Variants in TMEM132D observed in about 807,000 individuals in gnomAD.
TMEM132D encodes the protein mature OL transmembrane protein.
Under a neutral mutation model 62.3 loss-of-function variants are expected in TMEM132D, and 21 were observed. The ratio of observed to expected loss-of-function variants is 0.34; its 90% CI spans 0.24 to 0.49. The LOEUF (loss-of-function observed/expected upper bound fraction) is 0.49, where lower values mean the gene tolerates loss of function less well. Ranked by LOEUF, TMEM132D falls within the 20% of genes least tolerant of loss-of-function variation. TMEM132D has a pLI of 0.99. For synonymous variants in TMEM132D, 621 were observed against 575.6 expected (o/e 1.08, Z -1.13); for missense variants, 1,346 against 1,402.8 (o/e 0.96, Z 0.65).
chr12:129,178,069 G>A (rs1042852829), intron 5 of TMEM132D, among the ~76,000 whole-genome samples: 8 of 152,124 alleles, frequency 5.3e-5, no homozygotes, highest in African/African-American at 9.7e-5. Context: ...ATGGCTTCCA[G>A]CTTCATCCAT....
At chr12:129,741,262 A>G (rs1869595500) in intron 1 of TMEM132D, among the ~76,000 whole-genome samples, 1 of 152,174 alleles carries the variant, frequency 6.6e-6, no homozygotes, top group Admixed American at 6.5e-5. Flanking sequence ...TCCAGTGGGA[A>G]ATAACTTTCC....
chr12:129,881,253 T>C (rs781777568), intron 1 of TMEM132D, among the ~76,000 whole-genome samples: 2 of 152,012 alleles, frequency 1.3e-5, no homozygotes, highest in Non-Finnish European at 2.9e-5. Flanking sequence ...AATCCATAAC[T>C]ATTAGAGCAA....
At chr12:129,292,636 T>A (rs1490989240) in intron 4 of TMEM132D, among the ~76,000 whole-genome samples, 2 of 152,202 alleles carry the variant, frequency 1.3e-5, no homozygotes, top group African/African-American at 4.8e-5. Flanking sequence ...TAGATGAGTA[T>A]AGACACATGC....
At chr12:129,696,715 C>G (rs1881217028) in intron 2 of TMEM132D, among the ~76,000 whole-genome samples, 2 of 152,304 alleles carry the variant, frequency 1.3e-5, no homozygotes, top group Middle Eastern at 6.8e-3. Context: ...GAGCCTTGCT[C>G]TCAGTGGGGG....
At chr12:129,703,887 G>A (rs1338976757) in intron 1 of TMEM132D, among the ~76,000 whole-genome samples, 1 of 147,466 alleles carries the variant, frequency 6.8e-6, no homozygotes, top group African/African-American at 2.5e-5. Context: ...CCCCTATGTG[G>A]ACTCAAAAGC....
chr12:129,205,020 AG>A (rs1186598038), intron 5 of TMEM132D, among the ~76,000 whole-genome samples: 1 of 152,356 alleles, frequency 6.6e-6, no homozygotes, highest in East Asian at 1.9e-4. Context: ...AGGTCCTGAA[AG>A]GAGCACTAAA....
chr12:129,513,106 A>G (rs10847891), intron 3 of TMEM132D, among the ~76,000 whole-genome samples: 16,928 of 152,220 alleles, frequency 0.11, 1,236 homozygotes, highest in African/African-American at 0.2. Context: ...AAGTTTATTT[A>G]TCACACAGTT....
intron 5 of TMEM132D, among the ~76,000 whole-genome samples, chr12:129,100,882 G>A (rs7311673): frequency 0.37 from 55,678 of 151,974 alleles, 11,949 homozygotes; most frequent in African/African-American, 0.59. Flanking sequence ...GTCAAATCCT[G>A]GGGGGAGGCA....
chr12:129,241,705 T>C (rs566432686), intron 4 of TMEM132D, among the ~76,000 whole-genome samples: 1 of 152,322 alleles, frequency 6.6e-6, no homozygotes, highest in African/African-American at 2.4e-5. Context: ...ATTTTATATT[T>C]ATTTCTGTAA....
At chr12:129,410,560 A>T (rs371178236) in intron 3 of TMEM132D, among the ~76,000 whole-genome samples, 164 of 151,744 alleles carry the variant, frequency 1.1e-3, no homozygotes, top group African/African-American at 3.8e-3. Context: ...GGGTTTCTCC[A>T]TGTTGGCCAG....
intron 5 of TMEM132D, among the ~76,000 whole-genome samples, chr12:129,159,044 T>C (rs946793500): frequency 1.3e-5 from 2 of 152,226 alleles, no homozygotes; most frequent in Non-Finnish European, 2.9e-5. Flanking sequence ...AGGTCCCTCC[T>C]CTGACATGTT....
intron 4 of TMEM132D, among the ~76,000 whole-genome samples, chr12:129,280,660 T>G (rs1000902561): frequency 6.6e-6 from 1 of 152,180 alleles, no homozygotes; most frequent in Non-Finnish European, 1.5e-5. Context: ...TCCATAAGTA[T>G]GTAAGCCATT....
chr12:129,376,803 G>A (rs1453835064), intron 3 of TMEM132D, among the ~76,000 whole-genome samples: 5 of 152,266 alleles, frequency 3.3e-5, no homozygotes, highest in African/African-American at 9.6e-5. Flanking sequence ...GAAACTTAAC[G>A]AGTTATTTCT....
intron 5 of TMEM132D, among the ~76,000 whole-genome samples, chr12:129,149,956 GCT>G (rs1278204668): frequency 1.3e-5 from 2 of 152,230 alleles, no homozygotes; most frequent in Non-Finnish European, 2.9e-5. Context: ...ATAGCCCAGT[GCT>G]CTTTGTCTGA....
At chr12:129,714,192 CTTT>C (rs1868481941) in intron 1 of TMEM132D, among the ~76,000 whole-genome samples, 1 of 152,210 alleles carries the variant, frequency 6.6e-6, no homozygotes, top group Non-Finnish European at 1.5e-5. Context: ...AGCTTGAGCT[CTTT>C]CACCTCATCC....
chr12:129,077,207 C>T (rs540815146), intron 8 of TMEM132D, among the ~76,000 whole-genome samples: 37 of 152,328 alleles, frequency 2.4e-4, no homozygotes, highest in Admixed American at 9.1e-4. Flanking sequence ...TGGCCACAGC[C>T]GCAGCTGGTG....
chr12:129,425,968 G>A (rs916784085), intron 3 of TMEM132D, among the ~76,000 whole-genome samples: 1 of 152,218 alleles, frequency 6.6e-6, no homozygotes, highest in East Asian at 1.9e-4. Flanking sequence ...GATGCTTTGA[G>A]AATAGGATGT....
At chr12:129,594,080 G>A (rs1037439043) in intron 2 of TMEM132D, among the ~76,000 whole-genome samples, 6 of 152,150 alleles carry the variant, frequency 3.9e-5, no homozygotes, top group Admixed American at 2.0e-4. Flanking sequence ...TGTGTAAGCC[G>A]GCAGTGCAAG....
At chr12:129,780,462 C>T (rs1871087688) in intron 1 of TMEM132D, among the ~76,000 whole-genome samples, 1 of 152,020 alleles carries the variant, frequency 6.6e-6, no homozygotes, top group Admixed American at 6.5e-5. Context: ...AGAGGAAGAT[C>T]CAGGAACCCA....
Sources: gnomAD v4.1 joint callset for allele counts (sites outside exome capture counted in the v4.1 genomes callset) on GRCh38, gnomAD v4.1.1 for gene constraint, MANE v1.5 for transcripts, NCBI Gene and HGNC (gene_info 2026-07-23, HGNC 2026-07-21) for gene names.